The following RANBP2 variants were observed in gnomAD, a reference collection of about 807,000 sequenced individuals.
RANBP2 encodes RAN binding protein 2.
A neutral mutation model predicts 303.6 loss-of-function variants in RANBP2; 57 were observed. That is an observed-to-expected ratio of 0.19 (90% CI 0.15 to 0.23). The LOEUF is 0.23. Among genes scored for constraint, RANBP2 ranks in the 10% least tolerant of loss-of-function variants. The pLI, the probability that RANBP2 is intolerant of heterozygous loss-of-function variation, is 1.00. For missense variants in RANBP2, 3,138 were observed against 3,780.8 expected (o/e 0.83, Z 4.46); for synonymous variants, 1,167 against 1,301.5 (o/e 0.90, Z 2.23).
the RANBP2 span, among the ~76,000 whole-genome samples, chr2:109,541,313 A>G: frequency 2.0e-5 from 3 of 152,246 alleles, no homozygotes; most frequent in Non-Finnish European, 4.4e-5. Flanking sequence ...GTAAGACGTT[A>G]TAATTGCTTT....
the RANBP2 span, chr2:109,347,971 G>A: frequency 6.4e-7 from 1 of 1,574,272 alleles, no homozygotes; most frequent in South Asian, 1.2e-5. Context: ...CCCGGGGTGG[G>A]CCCCGCCAGC....
At chr2:109,474,650 T>TGGTCTGCCCTGGACAGCATCG in the RANBP2 span, among the ~76,000 whole-genome samples, 1 of 152,220 alleles carries the variant, frequency 6.6e-6, no homozygotes, top group African/African-American at 2.4e-5. Flanking sequence ...AGCTTCCCGC[T>TGGTCTGCCCTGGACAGCATCG]GGTCTGCCCT....
chr2:108,961,259 T>G, the RANBP2 span, among the ~76,000 whole-genome samples: 1 of 151,812 alleles, frequency 6.6e-6, no homozygotes, highest in East Asian at 1.9e-4. Context: ...AAGGGAACAG[T>G]TGCCAGTCCT....
chr2:108,980,597 A>G, the RANBP2 span, among the ~76,000 whole-genome samples: 2 of 152,160 alleles, frequency 1.3e-5, no homozygotes, highest in Non-Finnish European at 2.9e-5. Context: ...GATAAAGGTA[A>G]AACAGGAGTC....
At chr2:109,536,989 T>C in the RANBP2 span, among the ~76,000 whole-genome samples, 6 of 152,210 alleles carry the variant, frequency 3.9e-5, no homozygotes, top group Admixed American at 2.6e-4. Flanking sequence ...CAATTAAACC[T>C]TTCTTTTGTA....
At chr2:108,798,815 C>CACA in the RANBP2 span, among the ~76,000 whole-genome samples, 1 of 32,248 alleles carries the variant, frequency 3.1e-5, no homozygotes, top group East Asian at 2.2e-3. Context: ...CTCTCCACAC[C>CACA]TACACACACA....
the RANBP2 span, among the ~76,000 whole-genome samples, chr2:109,041,316 C>T: frequency 6.6e-6 from 1 of 152,068 alleles, no homozygotes; most frequent in African/African-American, 2.4e-5. Context: ...TACTGCACTG[C>T]CTAAGACCTC....
intron 7 of RANBP2, among the ~76,000 whole-genome samples, chr2:108,744,359 G>A (rs1558892945): frequency 6.6e-6 from 1 of 151,800 alleles, no homozygotes; most frequent in African/African-American, 2.4e-5. Context: ...AGCTGAAATC[G>A]TGCCACTGCA....
chr2:109,425,595 G>A, the RANBP2 span, among the ~76,000 whole-genome samples: 6 of 152,262 alleles, frequency 3.9e-5, no homozygotes, highest in East Asian at 1.2e-3. Flanking sequence ...AATCTACTCT[G>A]CCTGTGCTGT....
At chr2:109,288,748 G>T in the RANBP2 span, among the ~76,000 whole-genome samples, 63 of 152,244 alleles carry the variant, frequency 4.1e-4, 1 homozygote, top group Non-Finnish European at 6.5e-4. Flanking sequence ...AAGTTGTCAT[G>T]ATGGAAGACA....
chr2:109,347,436 A>C, the RANBP2 span, among the ~76,000 whole-genome samples: 2 of 151,958 alleles, frequency 1.3e-5, no homozygotes, highest in Non-Finnish European at 2.9e-5. Flanking sequence ...GGCCTCAGAC[A>C]GTGTCCTTTT....
chr2:109,457,827 A>G, the RANBP2 span, among the ~76,000 whole-genome samples: 1 of 152,104 alleles, frequency 6.6e-6, no homozygotes, highest in Non-Finnish European at 1.5e-5. Context: ...CACCCCATAA[A>G]CTACATCAGA....
At chr2:109,245,972 G>T in the RANBP2 span, among the ~76,000 whole-genome samples, 2 of 152,210 alleles carry the variant, frequency 1.3e-5, no homozygotes, top group Non-Finnish European at 2.9e-5. Flanking sequence ...AAGTCTCTAA[G>T]CTGGCTTATT....
At chr2:109,704,655 G>A in the RANBP2 span, among the ~76,000 whole-genome samples, 4 of 152,100 alleles carry the variant, frequency 2.6e-5, no homozygotes, top group African/African-American at 9.7e-5. Context: ...TTCGAGAACA[G>A]CCTGACTAAC....
the RANBP2 span, among the ~76,000 whole-genome samples, chr2:109,171,248 T>C: frequency 4.6e-5 from 7 of 152,194 alleles, no homozygotes; most frequent in Non-Finnish European, 1.0e-4. Context: ...TGCTTACATG[T>C]ATTTGGTTGT....
At chr2:108,805,748 G>C in the RANBP2 span, among the ~76,000 whole-genome samples, 2 of 152,056 alleles carry the variant, frequency 1.3e-5, no homozygotes, top group South Asian at 4.1e-4. Context: ...TTGTAATTTA[G>C]ATTAATATAT....
chr2:108,964,960 T>A, the RANBP2 span, among the ~76,000 whole-genome samples: 3 of 152,202 alleles, frequency 2.0e-5, no homozygotes, highest in Admixed American at 6.5e-5. Flanking sequence ...GCTTAACATT[T>A]AAATTTTTTT....
At chr2:109,361,770 C>T in the RANBP2 span, among the ~76,000 whole-genome samples, 1 of 152,280 alleles carries the variant, frequency 6.6e-6, no homozygotes, top group South Asian at 2.1e-4. Context: ...AGATAAAGGC[C>T]TATTGAATTA....
the RANBP2 span, among the ~76,000 whole-genome samples, chr2:109,344,307 A>G: frequency 6.6e-6 from 1 of 152,302 alleles, no homozygotes; most frequent in East Asian, 1.9e-4. Flanking sequence ...TTAGGAGGGC[A>G]CAGGTGGTGA....
Sources: allele counts gnomAD v4.1 joint callset (sites outside exome capture counted in the v4.1 genomes callset), GRCh38; gene constraint gnomAD v4.1.1; transcripts MANE v1.5; gene names NCBI Gene and HGNC (gene_info 2026-07-23, HGNC 2026-07-21).